The following SGCD variants were observed in gnomAD, a reference collection of about 807,000 sequenced individuals.
SGCD encodes delta-sarcoglycan.
SGCD carries 18 observed loss-of-function variants against 36.6 expected under a neutral mutation model. The ratio of observed to expected loss-of-function variants is 0.49; its 90% confidence interval spans 0.34 to 0.73. The LOEUF is 0.73. Among genes scored for constraint, SGCD ranks in the 30% least tolerant of loss-of-function variants. The pLI, the probability that SGCD is intolerant of heterozygous loss-of-function variation, is 0.01. For synonymous variants in SGCD, 133 were observed against 130.6 expected, an observed-to-expected ratio of 1.02 and a Z score of -0.12; for missense variants, 387 against 346.7, an observed-to-expected ratio of 1.12 and a Z score of -0.92.
chr5:156,599,828 C>T (rs1761092831), intron 6 of SGCD, among the ~76,000 whole-genome samples: 1 of 152,164 alleles, frequency 6.6e-6, no homozygotes. Context: ...AACTATATAT[C>T]CTGGTTTCTG....
chr5:156,275,141 C>T (rs989688005), intron 3 of SGCD, among the ~76,000 whole-genome samples: 1 of 152,090 alleles, frequency 6.6e-6, no homozygotes, highest in Non-Finnish European at 1.5e-5. Context: ...TAACCCTTTG[C>T]CTTCCTTGCC....
chr5:156,023,673 A>G (rs911700325), intron 1 of SGCD, among the ~76,000 whole-genome samples: 4 of 152,178 alleles, frequency 2.6e-5, no homozygotes, highest in African/African-American at 9.6e-5. Context: ...GTTACCTAAG[A>G]GGAAGTGTGA....
chr5:156,422,748 CCTG>C (rs1773374940), intron 3 of SGCD, among the ~76,000 whole-genome samples: 3 of 151,990 alleles, frequency 2.0e-5, no homozygotes, highest in African/African-American at 7.2e-5. Context: ...TAACCTCTGT[CCTG>C]CTAGTTGCCA....
chr5:156,334,609 CT>C (rs35767339), intron 2 of SGCD, among the ~76,000 whole-genome samples: 37,750 of 105,322 alleles, frequency 0.36, 4,434 homozygotes, highest in East Asian at 0.62. Context: ...GGTCTATTTT[CT>C]TTTTTTTTTT....
chr5:156,279,984 A>AACAC (rs141892026), intron 3 of SGCD, among the ~76,000 whole-genome samples: 102 of 148,630 alleles, frequency 6.9e-4, no homozygotes, highest in Middle Eastern at 7.0e-3. Context: ...CACACATACA[A>AACAC]ACACACACAC....
At position 156,158,703 on chromosome 5, in the gene SGCD, G is replaced by A. The variant is rs190718018; in HGVS notation, c.-44+34684G>A. 1.4e-4 allele frequency among the ~76,000 whole-genome samples: 21 copies of A among 151,654 alleles called. No individual in the cohort carries two copies. In the South Asian group the frequency reaches 2.5e-3, roughly 18 times the overall value. On this transcript the variant is annotated intron_variant, in intron 3 of 9. Transcript: ENST00000517913. ...AAGAGTCAATGTGGAGGAGCAAATGGAAGATAGTCATTACTATCTATTTGC... is the reference window on the plus strand; with the variant it reads ...AAGAGTCAATGTGGAGGAGCAAATGAAAGATAGTCATTACTATCTATTTGC...
At chr5:156,468,776 G>T (rs554495634) in intron 3 of SGCD, among the ~76,000 whole-genome samples, 6 of 152,188 alleles carry the variant, frequency 3.9e-5, no homozygotes, top group Non-Finnish European at 8.8e-5. Context: ...TGGATCACTT[G>T]AGGTCAGGAG....
chr5:156,216,154 G>A (rs1764567039), intron 3 of SGCD, among the ~76,000 whole-genome samples: 1 of 152,162 alleles, frequency 6.6e-6, no homozygotes, highest in African/African-American at 2.4e-5. Context: ...TGGAATTGTG[G>A]TTATTAAGAG....
chr5:155,954,995 G>A (rs1757621813), intron 1 of SGCD, among the ~76,000 whole-genome samples: 1 of 152,150 alleles, frequency 6.6e-6, no homozygotes, highest in African/African-American at 2.4e-5. Flanking sequence ...CTGAAAACTG[G>A]CAAAGACCAG....
At chr5:155,999,835 G>A (rs555839484) in intron 1 of SGCD, among the ~76,000 whole-genome samples, 1 of 152,294 alleles carries the variant, frequency 6.6e-6, no homozygotes, top group Non-Finnish European at 1.5e-5. Context: ...AAAACACATT[G>A]ACTTTTTTGT....
chr5:156,696,915 AACAC>A (rs57963416), intron 7 of SGCD, among the ~76,000 whole-genome samples: 2,049 of 145,120 alleles, frequency 0.014, 36 homozygotes, highest in African/African-American at 0.036. Flanking sequence ...CCTTACACAC[AACAC>A]ACACACACAC....
In SGCD at chr5:156,444,811, AT is replaced by A. The variant is rs967005368; in HGVS notation, c.193-63789del. Among the ~76,000 whole-genome samples the A allele has an allele frequency of 3.9e-5, 6 of 152,200 alleles. No individual in the cohort carries two copies. In the South Asian group the frequency reaches 6.2e-4, roughly 16 times the overall value. ...CATCAACATTTTTAAGCTTAAAAAA[AT>A]GTTAGAGAAAGAACTCTTTCACATC... On this transcript the variant is annotated intron_variant, in intron 3 of 8. Transcript: ENST00000337851.
intron 1 of SGCD, among the ~76,000 whole-genome samples, chr5:155,872,688 A>G (rs939215087): frequency 2.0e-5 from 3 of 152,170 alleles, no homozygotes; most frequent in East Asian, 1.9e-4. Context: ...ACTGAGAACC[A>G]TAGAATGTCA....
At chr5:156,497,236 T>C (rs1414638987) in intron 3 of SGCD, among the ~76,000 whole-genome samples, 1 of 151,374 alleles carries the variant, frequency 6.6e-6, no homozygotes, top group African/African-American at 2.4e-5. Flanking sequence ...TGAGGAAAGA[T>C]GGTTTCTAAA....
At chr5:156,110,315 T>C (rs1761751749) in intron 1 of SGCD, among the ~76,000 whole-genome samples, 2 of 152,204 alleles carry the variant, frequency 1.3e-5, no homozygotes, top group Non-Finnish European at 2.9e-5. Flanking sequence ...GTTGCTAATA[T>C]TACCTTTAAT....
intron 4 of SGCD, among the ~76,000 whole-genome samples, chr5:156,536,775 A>G (rs1758132884): frequency 6.6e-6 from 1 of 152,144 alleles, no homozygotes; most frequent in African/African-American, 2.4e-5. Context: ...CATTTTAAAC[A>G]TTTCATCTAA....
chr5:156,274,310 CT>C (rs753668116), intron 3 of SGCD, among the ~76,000 whole-genome samples: 22 of 152,062 alleles, frequency 1.4e-4, no homozygotes, highest in Non-Finnish European at 3.2e-4. Flanking sequence ...GGTTTGTTCC[CT>C]TTATGACCTT....
chr5:156,708,991 G>A (rs955122787), intron 7 of SGCD, among the ~76,000 whole-genome samples: 4 of 151,818 alleles, frequency 2.6e-5, no homozygotes, highest in African/African-American at 7.3e-5. Flanking sequence ...CTCTCCTCTC[G>A]GTACCATCTA....
At chr5:155,759,775 G>T in the SGCD span, among the ~76,000 whole-genome samples, 4 of 152,102 alleles carry the variant, frequency 2.6e-5, no homozygotes, top group Non-Finnish European at 4.4e-5. Context: ...CATTGGACAG[G>T]TCATCTTGTT....
Sources: allele counts gnomAD v4.1 joint callset (sites outside exome capture counted in the v4.1 genomes callset), GRCh38; gene constraint gnomAD v4.1.1; transcripts MANE v1.5; gene names NCBI Gene and HGNC (gene_info 2026-07-23, HGNC 2026-07-21).